Variants in SNX29 observed in about 807,000 individuals in gnomAD.
SNX29 encodes the protein sorting nexin-29.
Under a neutral mutation model 102.1 loss-of-function variants are expected in SNX29, and 78 were observed. The observed-to-expected ratio is 0.76, with a 90% confidence interval of 0.64 to 0.92. The LOEUF (loss-of-function observed/expected upper bound fraction) is 0.92. Among genes scored for constraint, SNX29 ranks in the 40% least tolerant of loss-of-function variants. SNX29 has a pLI of 0.00. For missense variants in SNX29, 1,280 were observed against 1,061.7 expected (o/e 1.21, Z -2.86); for synonymous variants, 580 against 414.5 (o/e 1.40, Z -4.85).
chr16:12,515,687 C>G, intron 19 of SNX29: 1 of 465,916 alleles, frequency 2.1e-6, no homozygotes, highest in Non-Finnish European at 4.3e-6. Flanking sequence ...GATGTATTCA[C>G]GTATCTGCTT....
intron 20 of SNX29, among the ~76,000 whole-genome samples, chr16:12,565,630 C>T (rs567974092): frequency 1.8e-4 from 27 of 152,358 alleles, no homozygotes; most frequent in Middle Eastern, 3.4e-3. Flanking sequence ...CAGGCACAGA[C>T]ATGTGACACA....
intron 15 of SNX29, among the ~76,000 whole-genome samples, chr16:12,335,185 A>C (rs1365557736): frequency 6.6e-6 from 1 of 151,812 alleles, no homozygotes; most frequent in Non-Finnish European, 1.5e-5. Context: ...TCATCTCGCT[A>C]TTGTCTTAAA....
At chr16:12,278,496 T>C (rs1370057841) in intron 15 of SNX29, among the ~76,000 whole-genome samples, 1 of 152,152 alleles carries the variant, frequency 6.6e-6, no homozygotes, top group Non-Finnish European at 1.5e-5. Context: ...CAAAACATTT[T>C]GGAATAAAGT....
intron 20 of SNX29, among the ~76,000 whole-genome samples, chr16:12,562,067 G>A (rs7195488): frequency 7.1e-6 from 1 of 141,168 alleles, no homozygotes; most frequent in Non-Finnish European, 1.6e-5. Flanking sequence ...TTTCCTTCCC[G>A]TGTTTTCTGC....
chr16:12,538,127 T>C (rs201234884), intron 20 of SNX29, among the ~76,000 whole-genome samples: 1 of 149,648 alleles, frequency 6.7e-6, no homozygotes, highest in Non-Finnish European at 1.5e-5. Flanking sequence ...TGCATTTTTT[T>C]ATTTTTGAGA....
chr16:12,246,905 C>T (rs75609480), intron 14 of SNX29, among the ~76,000 whole-genome samples: 218 of 152,208 alleles, frequency 1.4e-3, no homozygotes, highest in African/African-American at 5.0e-3. Flanking sequence ...CCCCTCCCCT[C>T]GGCAGGTTTG....
intron 13 of SNX29, among the ~76,000 whole-genome samples, chr16:12,179,134 A>G (rs1044024926): frequency 6.7e-6 from 1 of 149,432 alleles, no homozygotes; most frequent in African/African-American, 2.5e-5. Context: ...GTAGATATCT[A>G]TAAGGTTTTA....
intron 19 of SNX29, among the ~76,000 whole-genome samples, chr16:12,514,392 C>T (rs2089769805): frequency 6.6e-6 from 1 of 152,174 alleles, no homozygotes; most frequent in Admixed American, 6.5e-5. Flanking sequence ...CTTCAGGCTC[C>T]TCCCTGCCCT....
intron 3 of SNX29, among the ~76,000 whole-genome samples, chr16:12,009,992 G>A (rs1200239298): frequency 6.6e-6 from 1 of 152,212 alleles, no homozygotes; most frequent in Non-Finnish European, 1.5e-5. Flanking sequence ...CATGGGCTTT[G>A]GAGCTTGGCA....
chr16:12,373,791 C>G (rs2082774927), intron 16 of SNX29: 1 of 152,234 alleles, frequency 6.6e-6, no homozygotes, highest in Non-Finnish European at 1.5e-5. Context: ...ATGAAGCATT[C>G]TGTGCCTGCC....
intron 13 of SNX29, among the ~76,000 whole-genome samples, chr16:12,171,430 A>T (rs538833633): frequency 6.6e-6 from 1 of 152,150 alleles, no homozygotes; most frequent in Non-Finnish European, 1.5e-5. Context: ...ATACCAGAGC[A>T]TGGGCTTTTT....
intron 15 of SNX29, among the ~76,000 whole-genome samples, chr16:12,312,389 C>T (rs952678940): frequency 6.6e-6 from 1 of 152,214 alleles, no homozygotes; most frequent in Admixed American, 6.5e-5. Flanking sequence ...GGCAACTGCA[C>T]TGTAGAGACT....
chr16:12,046,711 C>T (rs1251237860), intron 6 of SNX29, among the ~76,000 whole-genome samples: 1 of 152,218 alleles, frequency 6.6e-6, no homozygotes, highest in Admixed American at 6.5e-5. Context: ...CCTCCGCCTC[C>T]TGGGTTCAAG....
chr16:12,490,519 ACTT>A (rs768736297), intron 19 of SNX29, among the ~76,000 whole-genome samples: 15 of 152,334 alleles, frequency 9.8e-5, no homozygotes, highest in African/African-American at 2.9e-4. Context: ...ATTCTTACAT[ACTT>A]CTTCTGCTGG....
chr16:12,390,584 T>C (rs1387381230), intron 16 of SNX29, among the ~76,000 whole-genome samples: 1 of 152,230 alleles, frequency 6.6e-6, no homozygotes, highest in Non-Finnish European at 1.5e-5. Flanking sequence ...ATAACTAGTG[T>C]GCATTTGTGG....
chr16:12,111,895 G>T (rs1253492491), intron 11 of SNX29, among the ~76,000 whole-genome samples: 2 of 152,142 alleles, frequency 1.3e-5, no homozygotes, highest in Non-Finnish European at 2.9e-5. Context: ...ATCTGAGATG[G>T]GGTGTGTGGT....
chr16:12,417,453 T>C (rs9746397), intron 18 of SNX29, among the ~76,000 whole-genome samples: 95,038 of 151,958 alleles, frequency 0.63, 29,943 homozygotes, highest in East Asian at 0.66. Flanking sequence ...GGGAGGGAGA[T>C]GAGCTAGTGG....
intron 18 of SNX29, among the ~76,000 whole-genome samples, chr16:12,436,945 G>A (rs1416953736): frequency 1.3e-5 from 2 of 152,208 alleles, no homozygotes; most frequent in Admixed American, 1.3e-4. Context: ...GAGCCACCAC[G>A]CCCGGCCTCT....
rs560688547 is a variant in SNX29, at chr16:12,554,768, T to TC, written c.2319-13733dup. Among the ~76,000 whole-genome samples, 570 of 151,972 alleles carry TC rather than the reference T, an allele frequency of 3.8e-3. 3 individuals are homozygous for TC. The highest frequency in any genetic ancestry group is 7.9e-3 in the African/African-American group (326 of 41,446). ...CTTAAGTGTATTAGAACGTGCTCTC[T>TC]CCCCCGCCATAGAATGCAATTGTTT... On this transcript the variant is annotated intron_variant, in intron 20 of 20. Transcript: ENST00000566228.
Sources: gnomAD v4.1 joint callset for allele counts (sites outside exome capture counted in the v4.1 genomes callset) on GRCh38, gnomAD v4.1.1 for gene constraint, MANE v1.5 for transcripts, NCBI Gene and HGNC (gene_info 2026-07-23, HGNC 2026-07-21) for gene names.